HGSNAT: variants seen among roughly 807,000 people sequenced by gnomAD.
The protein encoded by HGSNAT is transmembrane protein 76.
In HGSNAT, 59 loss-of-function variants were observed where a neutral mutation model predicts 85.2. The ratio of observed to expected loss-of-function variants is 0.69; its 90% CI spans 0.56 to 0.86. The LOEUF is 0.86. HGSNAT is among the 40% of genes least tolerant of loss of function. The pLI is 0.00. For synonymous variants in HGSNAT, 321 were observed against 304.5 expected (o/e 1.05, Z -0.56); for missense variants, 756 against 777.1 (o/e 0.97, Z 0.32).
intron 11 of HGSNAT, 83 bp downstream of exon 11, chr8:43,182,343 G>C: frequency 1.8e-6 from 2 of 1,082,084 alleles, no homozygotes; most frequent in Non-Finnish European, 2.9e-6. Flanking sequence ...TCACTATGTT[G>C]TCCAGACTGG....
rs552524505 is a variant in HGSNAT at position 43,196,042 on chromosome 8, C to T, written c.1465-906C>T. On this transcript the variant is annotated intron_variant, in intron 14 of 17. Coordinates refer to ENST00000379644, the MANE Select transcript of HGSNAT (RefSeq NM_152419.3). ...ACACTTTCTAGGTAGATCACTGGAG[C>T]GGTCAGTCCAGTGGGGAGGCTAGGA... 1.2e-4 allele frequency: 22 copies of T among 184,800 alleles called. 1 individual carries two copies. Among genetic ancestry groups the T allele is most frequent in the African/African-American group, 4.7e-4 (20 of 42,266 alleles). 11.4% of individuals were successfully genotyped at this position (184,800 alleles called of 1,614,324 possible).
At chr8:43,175,557 C>CTTTTT (rs572939859) in intron 9 of HGSNAT, among the ~76,000 whole-genome samples, 10 of 63,144 alleles carry the variant, frequency 1.6e-4, no homozygotes, top group African/African-American at 2.5e-4. Context: ...CTTTTGTCCT[C>CTTTTT]TTTTTTTTTT....
intron 5 of HGSNAT, among the ~76,000 whole-genome samples, chr8:43,167,292 C>T (rs1803463221): frequency 6.6e-6 from 1 of 152,182 alleles, no homozygotes; most frequent in African/African-American, 2.4e-5. Context: ...TGCTATCAAA[C>T]AGCATCACGT....
intron 11 of HGSNAT, among the ~76,000 whole-genome samples, chr8:43,184,992 C>G (rs1309879020): frequency 6.6e-6 from 1 of 152,114 alleles, no homozygotes; most frequent in African/African-American, 2.4e-5. Context: ...TTCCATTGGT[C>G]TATATCTCTG....
intron 10 of HGSNAT, among the ~76,000 whole-genome samples, chr8:43,179,325 C>T (rs1448139476): frequency 1.4e-3 from 207 of 146,636 alleles, no homozygotes; most frequent in African/African-American, 5.1e-3. Context: ...CGGGCAGAGG[C>T]GCCCCTCACC....
In HGSNAT at chr8:43,182,130, T is replaced by C. The variant is rs1804147224; in HGVS notation, c.1013-15T>C. ...AGTCCTGGCTAACACTTGACCTAAC[T>C]TGTGTCTTTTGCAGTGTCTTGGGAC... On this transcript the variant is annotated splice_polypyrimidine_tract_variant and intron_variant, in intron 10 of 17. Transcript: ENST00000379644. The C allele has an allele frequency of 6.3e-7, 1 of 1,599,580 alleles. No homozygotes were observed.
intron 9 of HGSNAT, among the ~76,000 whole-genome samples, chr8:43,176,334 T>G (rs1018155792): frequency 1.3e-4 from 20 of 152,216 alleles, no homozygotes; most frequent in African/African-American, 4.8e-4. Flanking sequence ...TTCTTGGCAC[T>G]TTTGTCGAAA....
At chr8:43,194,934 G>C (rs905468480) in intron 14 of HGSNAT, among the ~76,000 whole-genome samples, 5 of 152,018 alleles carry the variant, frequency 3.3e-5, no homozygotes, top group African/African-American at 4.8e-5. Flanking sequence ...CTTCAGAACT[G>C]TGAGAAATAA....
chr8:43,162,418 T>C (rs1803294451), intron 5 of HGSNAT, among the ~76,000 whole-genome samples: 1 of 152,216 alleles, frequency 6.6e-6, no homozygotes, highest in Admixed American at 6.5e-5. Context: ...TAACCTGTTT[T>C]TTAGGGATAG....
At chr8:43,182,385 G>T (rs1261330959) in intron 11 of HGSNAT, 125 bp downstream of exon 11, 1 of 827,668 alleles carries the variant, frequency 1.2e-6, no homozygotes, top group Non-Finnish European at 2.1e-6. Context: ...TGATCCTCCT[G>T]CCTTGGCCAC....
At chr8:43,173,690 T>C (rs370455092) in intron 8 of HGSNAT, 23 bp from the exon 9 acceptor site, 2 of 1,611,990 alleles carry the variant, frequency 1.2e-6, no homozygotes, top group African/African-American at 2.7e-5. Flanking sequence ...TCCTTTTGCT[T>C]ATGCTTTGTA....
rs79340687 is a variant in HGSNAT, at chr8:43,163,216, A to T, written c.563+1709A>T. Among the ~76,000 whole-genome samples, 1,502 of 152,270 alleles carry T rather than the reference A, an allele frequency of 9.9e-3. 33 individuals are homozygous for T. The highest frequency in any genetic ancestry group is 0.034 in the African/African-American group (1,410 of 41,546). ...AAAAAAGTAATTGATAGCTGAGATC[A>T]AGCATTTTCAAAGGGAAGAGATTCC... On this transcript the variant is annotated intron_variant, in intron 5 of 17. Coordinates refer to ENST00000379644, the MANE Select transcript of HGSNAT (RefSeq NM_152419.3).
intron 15 of HGSNAT, 186 bp downstream of exon 15, chr8:43,197,211 GA>G (rs1804754059): frequency 1.7e-6 from 1 of 603,042 alleles, no homozygotes; most frequent in Non-Finnish European, 3.0e-6. Flanking sequence ...ATTTTCTTAG[GA>G]AAATGTCTTT....
chr8:43,151,460 C>A (rs554306605), intron 2 of HGSNAT, among the ~76,000 whole-genome samples: 2 of 152,204 alleles, frequency 1.3e-5, no homozygotes, highest in Non-Finnish European at 2.9e-5. Context: ...GTCAGTGTTA[C>A]TGGCAATAGA....
intron 14 of HGSNAT, 100 bp downstream of exon 14, chr8:43,193,943 C>T (rs919565409): frequency 1.9e-6 from 3 of 1,542,772 alleles, no homozygotes; most frequent in Admixed American, 2.0e-5. Flanking sequence ...AGCATATTCT[C>T]TCTTGTGCTA....
chr8:43,173,834 C>A, intron 9 of HGSNAT, 91 bp downstream of exon 9: 1 of 1,365,772 alleles, frequency 7.3e-7, no homozygotes, highest in Non-Finnish European at 1.0e-6. Context: ...CTGAGACGGG[C>A]ATGTGTTATG....
Position 43,173,759 on chromosome 8 carries a change from G to T in HGSNAT, c.851+16G>T, listed in dbSNP as rs1049678342. The T allele has an allele frequency of 6.2e-7, 1 of 1,610,060 alleles. No individual in the cohort carries two copies. Among genetic ancestry groups the T allele is most frequent in the East Asian group, 2.2e-5 (1 of 44,800 alleles). On this transcript the variant is annotated intron_variant, in intron 9 of 17. Coordinates refer to ENST00000379644, the MANE Select transcript of HGSNAT (RefSeq NM_152419.3). Reference sequence around the variant, plus strand: ...TGTTCCCGTGGTGAGTTGCCGGTCTGCCCTCTTCTCTTCCACGGGTTGACT... The same window carrying T: ...TGTTCCCGTGGTGAGTTGCCGGTCTTCCCTCTTCTCTTCCACGGGTTGACT...
chr8:43,187,061 A>G (rs1804340498), intron 11 of HGSNAT, among the ~76,000 whole-genome samples: 1 of 152,196 alleles, frequency 6.6e-6, no homozygotes, highest in South Asian at 2.1e-4. Context: ...TTTACTTCCA[A>G]CTATGTGGTC....
chr8:43,189,730 G>A (rs992535271), intron 11 of HGSNAT, among the ~76,000 whole-genome samples: 7 of 152,078 alleles, frequency 4.6e-5, no homozygotes, highest in Non-Finnish European at 8.8e-5. Context: ...GTTCCTATTC[G>A]GCCATCTTGG....
Sources: allele counts gnomAD v4.1 joint callset (sites outside exome capture counted in the v4.1 genomes callset), GRCh38; gene constraint gnomAD v4.1.1; transcripts MANE v1.5; gene names NCBI Gene and HGNC (gene_info 2026-07-23, HGNC 2026-07-21).